The following ACSL3 variants were observed in gnomAD, a reference collection of about 807,000 sequenced individuals.
ACSL3 encodes the protein acyl-CoA synthetase long chain family member 3, also known as fatty acid CoA ligase Acsl3.
In ACSL3, 34 loss-of-function variants were observed where a neutral mutation model predicts 84.7. The ratio of observed to expected loss-of-function variants is 0.40; its 90% CI spans 0.31 to 0.53. The LOEUF (loss-of-function observed/expected upper bound fraction) is 0.53. Among genes scored for constraint, ACSL3 ranks in the 20% least tolerant of loss-of-function variants. ACSL3 has a pLI of 0.48. For missense variants in ACSL3, 680 were observed against 873.1 expected, an observed-to-expected ratio of 0.78 and a Z score of 2.79; for synonymous variants, 315 against 299.4, an observed-to-expected ratio of 1.05 and a Z score of -0.54.
At chr2:222,932,042 C>T (rs766274140) in intron 14 of ACSL3, among the ~76,000 whole-genome samples, 3 of 152,162 alleles carry the variant, frequency 2.0e-5, no homozygotes, top group Non-Finnish European at 4.4e-5. Context: ...CTCAAAATCT[C>T]AAAACCAACC....
rs1696822958 is a variant in ACSL3, at chr2:222,924,486, A to C, written c.1183A>C (p.Met395Leu). The part of the protein sequence containing the change: ...EIMDRIYKNV[M>L]NKVSEMSSFQ... ...CATGGATCGGATCTACAAAAATGTC[A>C]TGAATAAAGTCAGTGAAATGAGTAG... Residue 395 changes from methionine to leucine, a missense_variant, in exon 11 of 17, where the codon ATG (methionine) becomes CTG (leucine). Transcript: ENST00000357430. 1 of 1,607,428 alleles carries C rather than the reference A, an allele frequency of 6.2e-7. No individual in the cohort carries two copies. The highest frequency in any genetic ancestry group is 1.1e-5 in the South Asian group (1 of 88,838).
chr2:222,885,996 G>C (rs1031173187), intron 1 of ACSL3, among the ~76,000 whole-genome samples: 3 of 152,016 alleles, frequency 2.0e-5, no homozygotes, highest in African/African-American at 7.3e-5. Flanking sequence ...ACCCGTGTCA[G>C]CCTCCCAAAG....
chr2:222,893,589 G>T (rs907203167), intron 2 of ACSL3, among the ~76,000 whole-genome samples: 50 of 152,172 alleles, frequency 3.3e-4, no homozygotes, highest in Admixed American at 3.3e-4. Context: ...TAGTCTGAAA[G>T]TGATCCCTGT....
intron 1 of ACSL3, among the ~76,000 whole-genome samples, chr2:222,865,820 G>GTGTGTGTGTGTA (rs1322589527): frequency 2.0e-5 from 3 of 151,810 alleles, no homozygotes; most frequent in East Asian, 3.9e-4. Context: ...GTGTGTGTGT[G>GTGTGTGTGTGTA]TGTGTACACA....
chr2:222,874,672 C>T (rs1425466676), intron 1 of ACSL3, among the ~76,000 whole-genome samples: 1 of 148,380 alleles, frequency 6.7e-6, no homozygotes, highest in Non-Finnish European at 1.5e-5. Context: ...GAGACCCTGT[C>T]TGAAAAAAAA....
At chr2:222,872,464 A>C (rs1372443444) in intron 1 of ACSL3, among the ~76,000 whole-genome samples, 4 of 152,146 alleles carry the variant, frequency 2.6e-5, no homozygotes, top group Non-Finnish European at 5.9e-5. Context: ...TCTTAGGAAA[A>C]TTTAAATAAA....
At chr2:222,933,396 T>C in intron 15 of ACSL3, 116 bp downstream of exon 15, 1 of 676,118 alleles carries the variant, frequency 1.5e-6, no homozygotes, top group Middle Eastern at 2.6e-4. Flanking sequence ...TATCTGTTAC[T>C]TGTGGGAATG....
chr2:222,926,877 C>T (rs1696894461), intron 11 of ACSL3, 140 bp from the exon 12 acceptor site: 1 of 807,636 alleles, frequency 1.2e-6, no homozygotes, highest in African/African-American at 1.7e-5. Flanking sequence ...GCTCAAGAGA[C>T]TCTCCAAATT....
At chr2:222,924,350 T>A in intron 10 of ACSL3, 106 bp from the exon 11 acceptor site, 3 of 1,047,198 alleles carry the variant, frequency 2.9e-6, no homozygotes, top group Non-Finnish European at 3.9e-6. Context: ...GAAGAGTACT[T>A]CTTTTAAAAT....
chr2:222,927,034 T>C lies in ACSL3; in HGVS notation c.1310T>C (p.Val437Ala). 1.9e-6 allele frequency: 3 copies of C among 1,613,052 alleles called. No homozygotes were observed. The highest frequency in any genetic ancestry group is 2.5e-6 in the Non-Finnish European group (3 of 1,179,160). The stretch of plus-strand genomic sequence containing the variant: ...TTCTTTAGCTTTGTTTTCCGGAAAG[T>C]TCGAAGCTTGCTAGGGGGAAATATT... Reference protein sequence around the residue: ...PLCDSFVFRKVRSLLGGNIRL... With the variant: ...PLCDSFVFRKARSLLGGNIRL... Residue 437 changes from valine (V) to alanine (A), a missense_variant, in exon 12 of 17, where the codon GTT (valine) becomes GCT (alanine). Val to Ala is a moderately conservative substitution (Grantham distance 64). Around this residue, in one of 2 missense-constraint regions of ACSL3, gnomAD observed 347 missense variants for 525.7 expected, o/e 0.66. Transcript: ENST00000357430.
intron 5 of ACSL3, 137 bp from the exon 6 acceptor site, chr2:222,917,905 TAAAA>T: frequency 2.0e-6 from 1 of 489,662 alleles, no homozygotes; most frequent in South Asian, 4.5e-5. Context: ...AAGATAACTT[TAAAA>T]AACATAACAC....
At chr2:222,866,748 C>CCT (rs1695155163) in intron 1 of ACSL3, among the ~76,000 whole-genome samples, 3 of 52,422 alleles carry the variant, frequency 5.7e-5, no homozygotes, top group Non-Finnish European at 8.2e-5. Flanking sequence ...TGCCCTGCCC[C>CCT]CCCCGCCCCC....
At position 222,897,013 on chromosome 2, in the gene ACSL3, G is replaced by A. The variant is rs1311394500; in HGVS notation, c.-147-3661G>A. Among the ~76,000 whole-genome samples the A allele has an allele frequency of 2.3e-3, 41 of 17,722 alleles. 18 individuals carry two copies. Among genetic ancestry groups the A allele is most frequent in the Non-Finnish European group, 3.1e-3 (37 of 11,760 alleles). 11.6% of individuals were successfully genotyped at this position (17,722 alleles called of 152,430 possible). A position where few individuals can be genotyped will look rare whatever the true frequency, so the allele number is the denominator to read the frequency against. On this transcript the variant is annotated intron_variant, in intron 2 of 16. Transcript: ENST00000357430. The stretch of plus-strand genomic sequence containing the variant: ...TCCCTCCTGGACGGGGCGACCGGCC[G>A]GGCAGAGGGGCTCCTCACTTCCCAG...
chr2:222,925,342 C>CAA (rs34016050), intron 11 of ACSL3, among the ~76,000 whole-genome samples: 78 of 85,430 alleles, frequency 9.1e-4, no homozygotes, highest in African/African-American at 2.3e-3. Context: ...ACTCTTGTCT[C>CAA]AAAAAAAAAA....
intron 1 of ACSL3, among the ~76,000 whole-genome samples, chr2:222,863,429 C>T (rs957487272): frequency 1.3e-5 from 2 of 152,186 alleles, no homozygotes; most frequent in Non-Finnish European, 2.9e-5. Flanking sequence ...AGAATGTCAT[C>T]CCGGCTCTCA....
chr2:222,886,041 C>CT (rs1695714342), intron 1 of ACSL3, among the ~76,000 whole-genome samples: 1 of 151,598 alleles, frequency 6.6e-6, no homozygotes, highest in South Asian at 2.1e-4. Context: ...CCATGCCTGA[C>CT]TTTAAAAAAA....
At chr2:222,889,829 C>T (rs1695802614) in intron 2 of ACSL3, among the ~76,000 whole-genome samples, 1 of 152,140 alleles carries the variant, frequency 6.6e-6, no homozygotes, top group Non-Finnish European at 1.5e-5. Flanking sequence ...AGAAAAGCTG[C>T]AGAGGCCAGG....
At chr2:222,940,427 C>T (rs2106146432) in intron 16 of ACSL3, among the ~76,000 whole-genome samples, 1 of 151,666 alleles carries the variant, frequency 6.6e-6, no homozygotes, top group Admixed American at 6.6e-5. Context: ...TATCCTTCTC[C>T]TCACATCTAG....
chr2:222,934,839 A>G (rs1697132007), intron 16 of ACSL3, 152 bp downstream of exon 16: 3 of 742,952 alleles, frequency 4.0e-6, no homozygotes, highest in Non-Finnish European at 6.1e-6. Context: ...TCAGTCCCCC[A>G]TTCAAGCCTT....
Sources: allele counts gnomAD v4.1 joint callset (sites outside exome capture counted in the v4.1 genomes callset), GRCh38; gene constraint gnomAD v4.1.1; regional missense constraint gnomAD v4.1.1; transcripts MANE v1.5; gene names NCBI Gene and HGNC (gene_info 2026-07-23, HGNC 2026-07-21).